The following DNAH17 variants were observed in gnomAD, a reference collection of about 807,000 sequenced individuals.
The protein encoded by DNAH17 is dynein axonemal heavy chain 17.
Under a neutral mutation model 485.6 loss-of-function variants are expected in DNAH17, and 376 were observed. That is an observed-to-expected ratio of 0.77 (90% CI 0.71 to 0.84). DNAH17 has a LOEUF of 0.84. Among genes scored for constraint, DNAH17 ranks in the 40% least tolerant of loss-of-function variants. The pLI is 0.00. For missense variants in DNAH17, 6,370 were observed against 5,839.3 expected (o/e 1.09, Z -2.96); for synonymous variants, 3,031 against 2,405.9 (o/e 1.26, Z -7.60).
Position 78,563,711 on chromosome 17 carries a change from G to A in DNAH17, c.1570-1731C>T, listed in dbSNP as rs181899154. Among the ~76,000 whole-genome samples the A allele has an allele frequency of 1.1e-4, 17 of 152,248 alleles. No homozygotes were observed. In the East Asian group the frequency reaches 3.3e-3, roughly 29 times the overall value. ...TGGAAAATTGCTCTAGAACGTTCCT[G>A]GCTGTGTGCGAGTTGCTGATAATGA... On this transcript the variant is annotated intron_variant, in intron 11 of 80. Coordinates refer to ENST00000389840, the MANE Select transcript of DNAH17 (RefSeq NM_173628.4).
Position 78,526,985 on chromosome 17 carries a change from C to T in DNAH17, c.3519G>A (p.Glu1173=). Residue 1173 remains glutamate (E), a synonymous_variant, in exon 23 of 81, where the codon GAG becomes GAA. Coordinates refer to ENST00000389840, the MANE Select transcript of DNAH17 (RefSeq NM_173628.4). ...EIHLKLQELP[E]HWANTKKLAI... ...CCAGTTTCTTGGTATTTGCCCAGTG[C>T]TCCGGCAGCTCCTGCGGGAAGCAAA... is the stretch of plus-strand genomic sequence containing the variant. The T allele has an allele frequency of 1.9e-6, 3 of 1,577,286 alleles. No homozygotes were observed. Among genetic ancestry groups the T allele is most frequent in the Non-Finnish European group, 2.6e-6 (3 of 1,161,474 alleles).
At chr17:78,452,916 C>T (rs1056868911) in intron 65 of DNAH17, among the ~76,000 whole-genome samples, 4 of 152,040 alleles carry the variant, frequency 2.6e-5, no homozygotes, top group South Asian at 2.1e-4. Flanking sequence ...GGCTTCCTTT[C>T]GGGGTGGTGA....
Position 78,454,636 on chromosome 17 carries a change from A to G in DNAH17, c.10240T>C (p.Trp3414Arg). 1 of 1,613,110 alleles carries G rather than the reference A, an allele frequency of 6.2e-7. No homozygotes were observed. The highest frequency in any genetic ancestry group is 8.5e-7 in the Non-Finnish European group (1 of 1,179,864). ...LLTDDADVATWNNQGLPSDRM... is the reference protein window; with the variant it reads ...LLTDDADVATRNNQGLPSDRM... Reference sequence around the variant, plus strand: ...TCGCTGGGGAGGCCCTGGTTGTTCCAGGTGGCCACGTCCGCGTCATCTGTC... The same window carrying G: ...TCGCTGGGGAGGCCCTGGTTGTTCCGGGTGGCCACGTCCGCGTCATCTGTC... Residue 3414 changes from tryptophan (W) to arginine (R), a missense_variant, in exon 64 of 81, where the codon TGG (tryptophan) becomes CGG (arginine). By Grantham distance (101) the Trp-to-Arg change is moderately radical. Coordinates refer to ENST00000389840, the MANE Select transcript of DNAH17 (RefSeq NM_173628.4).
Position 78,574,727 on chromosome 17 carries a change from C to T in DNAH17, c.331G>A (p.Ala111Thr), listed in dbSNP as rs541551855. 1.6e-5 allele frequency: 25 copies of T among 1,605,496 alleles called. 1 individual carries two copies. In the East Asian group the frequency reaches 2.0e-4, roughly 13 times the overall value. ...ISPTPVDQLI[A>T]VVEEVLSSLL... is the part of the protein sequence containing the mutation. ...GACGCACTCACCTCCTCCACCACCG[C>T]GATCAGCTGGTCCACGGGTGTGGGG... The change falls in exon 2 of 81, where the codon GCG becomes ACG. Residue 111 changes from alanine (A) to threonine (T), a missense_variant. Physicochemically the swap from Ala to Thr is moderately conservative, Grantham distance 58. Transcript: ENST00000389840.
chr17:78,510,667 G>A (rs2090610229), intron 26 of DNAH17, 161 bp from the exon 27 acceptor site: 1 of 908,478 alleles, frequency 1.1e-6, no homozygotes, highest in African/African-American at 1.7e-5. Flanking sequence ...TCTGAGACTT[G>A]AGGAAGTGAC....
chr17:78,490,900 A>G (rs1003181421), intron 43 of DNAH17, 53 bp from the exon 44 acceptor site: 43 of 1,520,854 alleles, frequency 2.8e-5, no homozygotes, highest in South Asian at 7.5e-5. Context: ...TGCCATCCCA[A>G]TGGTGTTCTG....
At chr17:78,494,249 T>G in intron 40 of DNAH17, 76 bp from the exon 41 acceptor site, 1 of 1,544,818 alleles carries the variant, frequency 6.5e-7, no homozygotes. Flanking sequence ...CTGGGGGGCT[T>G]CCTGCCCCGT....
Position 78,429,158 on chromosome 17 carries a change from G to C in DNAH17, c.12368C>G (p.Ala4123Gly). ...GTTGGGGGGGATCTGAAAGCCGGGG[G>C]CCAGCAGGACGTCTCCCTCCAGCAT... ...TEMLEGDVLL[A>G]PGFQIPPNLD... The change falls in exon 76 of 81, where the codon GCC (alanine) becomes GGC (glycine). Residue 4123 changes from alanine to glycine, a missense_variant. Physicochemically the swap from Ala to Gly is moderately conservative, Grantham distance 60. Transcript: ENST00000389840. The C allele has an allele frequency of 6.2e-7, 1 of 1,613,530 alleles. No homozygotes were observed. Among genetic ancestry groups the C allele is most frequent in the South Asian group, 1.1e-5 (1 of 91,070 alleles).
chr17:78,496,618 G>A (rs1276633686), intron 37 of DNAH17: 2 of 148,798 alleles, frequency 1.3e-5, no homozygotes, highest in East Asian at 4.0e-4. Context: ...GTCATTTCAT[G>A]GATGTTATAT....
At chr17:78,495,196 C>A in intron 38 of DNAH17, 99 bp from the exon 39 acceptor site, 1 of 1,406,184 alleles carries the variant, frequency 7.1e-7, no homozygotes, top group Non-Finnish European at 9.5e-7. Flanking sequence ...CCTCGACTGC[C>A]AGGTAGACCA....
chr17:78,431,708 G>C (rs1264512777), intron 75 of DNAH17, among the ~76,000 whole-genome samples: 1 of 152,106 alleles, frequency 6.6e-6, no homozygotes, highest in African/African-American at 2.4e-5. Flanking sequence ...AGTCTGTGGA[G>C]GGGGAGGGAG....
At chr17:78,458,868 C>T in intron 61 of DNAH17, 133 bp downstream of exon 61, 2 of 1,133,074 alleles carry the variant, frequency 1.8e-6, no homozygotes, top group Non-Finnish European at 2.6e-6. Context: ...CCTGCCTCTG[C>T]CTGCATCCTC....
In DNAH17 at chr17:78,530,408, C is replaced by T. The variant is rs759696727; in HGVS notation, c.3219G>A (p.Leu1073=). 4 of 1,613,704 alleles carry T rather than the reference C, an allele frequency of 2.5e-6. No individual in the cohort carries two copies. The South Asian group carries it at 3.3e-5, about 13-fold the overall frequency. ...AGCCCCAGCGCCGGATTGTGCTGAG[C>T]AGGGCCTGCTTGAAGGGGCGGCAGT... The part of the protein sequence containing the change: ...QCDCRPFKQA[L]LSTIRRWGFM... Residue 1073 remains leucine, a synonymous_variant, in exon 21 of 81, where the codon CTG becomes CTA. Transcript: ENST00000389840.
chr17:78,538,933 T>A (rs4969209), intron 18 of DNAH17, among the ~76,000 whole-genome samples: 113,501 of 152,058 alleles, frequency 0.75, 42,442 homozygotes, highest in African/African-American at 0.78. Flanking sequence ...AGAAACCATC[T>A]CAACAAAAAA....
intron 54 of DNAH17, among the ~76,000 whole-genome samples, chr17:78,471,576 G>A (rs975421363): frequency 1.3e-5 from 2 of 152,136 alleles, no homozygotes; most frequent in African/African-American, 4.8e-5. Flanking sequence ...CGCCCAGGCT[G>A]GAGAGCAGTG....
chr17:78,495,809 G>C (rs895704612), intron 38 of DNAH17, 66 bp downstream of exon 38: 13 of 1,564,192 alleles, frequency 8.3e-6, no homozygotes, highest in Admixed American at 1.8e-5. Flanking sequence ...CCACTCCTTG[G>C]CACTGGGACG....
chr17:78,494,574 G>T lies in DNAH17; in HGVS notation c.6270+19C>A. The T allele has an allele frequency of 6.2e-7, 1 of 1,612,344 alleles. No individual in the cohort carries two copies. Among genetic ancestry groups the T allele is most frequent in the South Asian group, 1.1e-5 (1 of 91,002 alleles). ...CAGGCAGGCTTCTCCGGACAGACCT[G>T]AGACCCAGGAGTCCCGACCTTTTCA... On this transcript the variant is annotated intron_variant, in intron 40 of 80. Coordinates refer to ENST00000389840, the MANE Select transcript of DNAH17 (RefSeq NM_173628.4).
Position 78,525,288 on chromosome 17 carries a change from T to C in DNAH17, c.3712-127A>G. ...TAAACCTTCTGGGAGGAGGTGTCCA[T>C]ACAACGGTGTCCCACCTGGAGGGAG... On this transcript the variant is annotated intron_variant, in intron 24 of 80. Transcript: ENST00000389840. The C allele has an allele frequency of 2.2e-6, 3 of 1,357,002 alleles. No individual in the cohort carries two copies. In the South Asian group the frequency reaches 4.3e-5, roughly 19 times the overall value. 84.1% of individuals were successfully genotyped at this position (1,357,002 alleles called of 1,614,324 possible).
At chr17:78,475,635 C>T in intron 53 of DNAH17, 34 bp downstream of exon 53, 13 of 1,611,316 alleles carry the variant, frequency 8.1e-6, no homozygotes, top group Non-Finnish European at 1.1e-5. Flanking sequence ...CGGTCCAGGT[C>T]CCGTGCCCTT....
Sources: allele counts gnomAD v4.1 joint callset (sites outside exome capture counted in the v4.1 genomes callset), GRCh38; gene constraint gnomAD v4.1.1; transcripts MANE v1.5; gene names NCBI Gene and HGNC (gene_info 2026-07-23, HGNC 2026-07-21).